The following POU6F2 variants were observed in gnomAD, a reference collection of about 807,000 sequenced individuals.
The protein encoded by POU6F2 is POU class 6 homeobox 2.
Under a neutral mutation model 71.3 loss-of-function variants are expected in POU6F2, and 31 were observed. The ratio of observed to expected loss-of-function variants is 0.43; its 90% CI spans 0.33 to 0.59. The LOEUF (loss-of-function observed/expected upper bound fraction) is 0.59, where lower values mean the gene tolerates loss of function less well. Among genes scored for constraint, POU6F2 ranks in the 20% least tolerant of loss-of-function variants. The pLI is 0.04. For synonymous variants in POU6F2, 347 were observed against 355.7 expected, an observed-to-expected ratio of 0.98 and a Z score of 0.27; for missense variants, 783 against 856.8, an observed-to-expected ratio of 0.91 and a Z score of 1.07.
At chr7:39,298,252 T>G (rs1364216967) in intron 4 of POU6F2, among the ~76,000 whole-genome samples, 1 of 152,198 alleles carries the variant, frequency 6.6e-6, no homozygotes, top group East Asian at 1.9e-4. Context: ...AGAAAATTTT[T>G]GCAATCTACC....
intron 1 of POU6F2, among the ~76,000 whole-genome samples, chr7:39,073,397 C>T (rs976013798): frequency 6.9e-6 from 1 of 144,032 alleles, no homozygotes; most frequent in African/African-American, 2.6e-5. Context: ...AAAAAAAAAC[C>T]TTCTAGTTCA....
At chr7:39,285,809 T>C (rs1784639569) in intron 4 of POU6F2, among the ~76,000 whole-genome samples, 2 of 152,190 alleles carry the variant, frequency 1.3e-5, no homozygotes, top group Admixed American at 1.3e-4. Context: ...TGTTCCCCCA[T>C]CTGTCAGCTC....
At chr7:39,399,406 C>T (rs1283148658) in intron 5 of POU6F2, among the ~76,000 whole-genome samples, 1 of 152,258 alleles carries the variant, frequency 6.6e-6, no homozygotes, top group African/African-American at 2.4e-5. Flanking sequence ...CCAGATTACC[C>T]ACACTTCTGT....
At chr7:39,265,367 C>T (rs1199009357) in intron 4 of POU6F2, among the ~76,000 whole-genome samples, 1 of 152,162 alleles carries the variant, frequency 6.6e-6, no homozygotes, top group Non-Finnish European at 1.5e-5. Flanking sequence ...GCATTACTGT[C>T]CCTCCACCCC....
chr7:39,449,434 G>C (rs1352610844), intron 7 of POU6F2, among the ~76,000 whole-genome samples: 2 of 152,196 alleles, frequency 1.3e-5, no homozygotes, highest in Non-Finnish European at 1.5e-5. Flanking sequence ...GAATTAAAAA[G>C]CATGATGATC....
At chr7:39,391,808 T>C (rs1023430148) in intron 5 of POU6F2, among the ~76,000 whole-genome samples, 2 of 152,230 alleles carry the variant, frequency 1.3e-5, no homozygotes, top group African/African-American at 4.8e-5. Flanking sequence ...TTACTTATCT[T>C]TTAACATTAG....
intron 5 of POU6F2, among the ~76,000 whole-genome samples, chr7:39,379,951 A>G (rs1186552320): frequency 6.6e-6 from 1 of 152,240 alleles, no homozygotes; most frequent in Non-Finnish European, 1.5e-5. Context: ...TCTTTCAAGC[A>G]GGGAAATGTA....
intron 4 of POU6F2, among the ~76,000 whole-genome samples, chr7:39,316,828 G>A (rs1785276163): frequency 7.6e-6 from 1 of 132,366 alleles, no homozygotes; most frequent in Non-Finnish European, 1.7e-5. Flanking sequence ...ATTAGTTTCA[G>A]AATAGAACTT....
At chr7:39,210,114 T>C (rs1794108570) in intron 4 of POU6F2, among the ~76,000 whole-genome samples, 1 of 152,168 alleles carries the variant, frequency 6.6e-6, no homozygotes, top group African/African-American at 2.4e-5. Context: ...TAAAAACAAC[T>C]CTTAAGTCTG....
chr7:39,075,678 A>C (rs1182226896), intron 1 of POU6F2, among the ~76,000 whole-genome samples: 2 of 152,232 alleles, frequency 1.3e-5, no homozygotes, highest in East Asian at 3.9e-4. Context: ...GACCACAGTT[A>C]GTGCTGTAGT....
At chr7:39,172,814 T>C (rs1793248763) in intron 2 of POU6F2, among the ~76,000 whole-genome samples, 1 of 151,914 alleles carries the variant, frequency 6.6e-6, no homozygotes, top group African/African-American at 2.4e-5. Flanking sequence ...AGAGACGGGG[T>C]TTCTCCATGT....
chr7:39,308,324 C>A (rs973608432), intron 4 of POU6F2, among the ~76,000 whole-genome samples: 8 of 152,184 alleles, frequency 5.3e-5, no homozygotes, highest in East Asian at 1.9e-4. Context: ...TGGAAAAAGA[C>A]AACAGAGGCT....
intron 5 of POU6F2, among the ~76,000 whole-genome samples, chr7:39,344,914 C>A (rs1242225019): frequency 6.6e-6 from 1 of 152,154 alleles, no homozygotes; most frequent in Non-Finnish European, 1.5e-5. Flanking sequence ...AGGGCTAAAT[C>A]ACTACGCAGA....
At chr7:39,025,157 C>G (rs1017570091) in intron 1 of POU6F2, among the ~76,000 whole-genome samples, 6 of 152,100 alleles carry the variant, frequency 3.9e-5, no homozygotes, top group Admixed American at 1.3e-4. Context: ...GGTTGGTAAG[C>G]TATTGATTAT....
chr7:39,249,862 G>T (rs1333156722), intron 4 of POU6F2, among the ~76,000 whole-genome samples: 2 of 152,138 alleles, frequency 1.3e-5, no homozygotes, highest in Non-Finnish European at 2.9e-5. Context: ...CTGCAGTATT[G>T]ATTTTTCCAC....
At position 39,275,570 on chromosome 7, in the gene POU6F2, A is replaced by C. The variant is rs928993047; in HGVS notation, c.599-64072A>C. Among the ~76,000 whole-genome samples, 35 of 152,224 alleles carry C rather than the reference A, an allele frequency of 2.3e-4. 1 individual carries two copies. In the South Asian group the frequency reaches 4.6e-3, roughly 20 times the overall value. Reference sequence around the variant, plus strand: ...AAACTACTTTAAAGTTCATATGGAAACAAAAAAGAGCCCGCATTGCCAAGT... The same window carrying C: ...AAACTACTTTAAAGTTCATATGGAACCAAAAAAGAGCCCGCATTGCCAAGT... On this transcript the variant is annotated intron_variant, in intron 4 of 9. Coordinates refer to ENST00000518318, the MANE Select transcript of POU6F2 (RefSeq NM_001370959.1).
intron 2 of POU6F2, among the ~76,000 whole-genome samples, chr7:39,124,959 T>G (rs1270635724): frequency 6.6e-6 from 1 of 152,152 alleles, no homozygotes; most frequent in African/African-American, 2.4e-5. Flanking sequence ...ATAGGAACAT[T>G]GATAAATTTG....
chr7:39,279,332 C>T (rs1403096382), intron 4 of POU6F2, among the ~76,000 whole-genome samples: 1 of 152,210 alleles, frequency 6.6e-6, no homozygotes, highest in African/African-American at 2.4e-5. Context: ...CTAGGGGTTG[C>T]CATGCTGCTC....
At chr7:39,264,278 G>T (rs1235655883) in intron 4 of POU6F2, among the ~76,000 whole-genome samples, 2 of 152,218 alleles carry the variant, frequency 1.3e-5, no homozygotes, top group African/African-American at 4.8e-5. Context: ...ATTGGTGTTA[G>T]CTGTTAGTGA....
Sources: allele counts gnomAD v4.1 joint callset (sites outside exome capture counted in the v4.1 genomes callset), GRCh38; gene constraint gnomAD v4.1.1; transcripts MANE v1.5; gene names NCBI Gene and HGNC (gene_info 2026-07-23, HGNC 2026-07-21).